The following LRP1B variants were observed in gnomAD, a reference collection of about 807,000 sequenced individuals.
LRP1B encodes the protein LDL receptor related protein 1B, also known as low-density lipoprotein receptor-related protein 1B.
LRP1B carries 217 observed loss-of-function variants against 556.6 expected under a neutral mutation model. The ratio of observed to expected loss-of-function variants is 0.39; its 90% CI spans 0.35 to 0.44. The LOEUF (loss-of-function observed/expected upper bound fraction) is 0.44, where lower values mean the gene tolerates loss of function less well. Among genes scored for constraint, LRP1B ranks in the 20% least tolerant of loss-of-function variants. The probability of loss-of-function intolerance (pLI) is 1.00; values close to 1 mark genes in which losing one functional copy is unlikely to be tolerated. For synonymous variants in LRP1B, 2,047 were observed against 1,865.8 expected (o/e 1.10, Z -2.50); for missense variants, 5,053 against 5,620.8 (o/e 0.90, Z 3.23).
intron 23 of LRP1B, among the ~76,000 whole-genome samples, chr2:140,893,815 G>A (rs1331483861): frequency 6.6e-6 from 1 of 152,152 alleles, no homozygotes; most frequent in South Asian, 2.1e-4. Context: ...ATGACTAAAT[G>A]AAGCGACATA....
At chr2:140,819,512 A>C (rs1691244890) in intron 31 of LRP1B, among the ~76,000 whole-genome samples, 2 of 152,170 alleles carry the variant, frequency 1.3e-5, no homozygotes, top group African/African-American at 4.8e-5. Flanking sequence ...TGCAATTGAA[A>C]AATGGGCAAA....
In LRP1B at chr2:141,529,687, A is replaced by T. The variant is rs1684805237; in HGVS notation, c.206-49154T>A. Among the ~76,000 whole-genome samples, 3 of 152,280 alleles carry T rather than the reference A, an allele frequency of 2.0e-5. No individual in the cohort carries two copies. The South Asian group carries it at 6.2e-4, about 32-fold the overall frequency. On this transcript the variant is annotated intron_variant, in intron 2 of 90. Coordinates refer to ENST00000389484, the MANE Select transcript of LRP1B (RefSeq NM_018557.3). ...TTACATTGCAAATGAACCCTGAAAA[A>T]ATACCACTATTAATCATACCAACCT...
intron 3 of LRP1B, among the ~76,000 whole-genome samples, chr2:141,446,912 G>A (rs753080463): frequency 6.6e-6 from 1 of 152,120 alleles, no homozygotes; most frequent in African/African-American, 2.4e-5. Flanking sequence ...TTCTCAAGGA[G>A]TCTCTTTGTG....
intron 72 of LRP1B, among the ~76,000 whole-genome samples, chr2:140,363,794 A>G (rs759656481): frequency 4.0e-5 from 6 of 151,708 alleles, no homozygotes; most frequent in Non-Finnish European, 8.9e-5. Context: ...ATATCTAAAT[A>G]TTGCCTTAAC....
intron 2 of LRP1B, among the ~76,000 whole-genome samples, chr2:141,611,813 C>T (rs776844627): frequency 6.6e-6 from 1 of 152,134 alleles, no homozygotes; most frequent in Non-Finnish European, 1.5e-5. Context: ...AATTAATGAC[C>T]TCGAAATGAA....
At chr2:141,542,888 G>T (rs188129945) in intron 2 of LRP1B, among the ~76,000 whole-genome samples, 1 of 152,044 alleles carries the variant, frequency 6.6e-6, no homozygotes, top group Non-Finnish European at 1.5e-5. Context: ...CATAGAAAAG[G>T]TTAAAAGTTA....
chr2:140,559,207 T>C (rs1000253756), intron 43 of LRP1B, among the ~76,000 whole-genome samples: 1 of 150,680 alleles, frequency 6.6e-6, no homozygotes, highest in African/African-American at 2.4e-5. Flanking sequence ...AAATTAACTG[T>C]TTTTTTTTAA....
In LRP1B at chr2:142,026,110, T is replaced by TA. The variant is rs905016991; in HGVS notation, c.82+104537dup. On this transcript the variant is annotated intron_variant, in intron 1 of 90. Transcript: ENST00000389484. The stretch of plus-strand genomic sequence containing the variant: ...GGAATCAACATTTTAAAATCCTGTC[T>TA]AAAAAAAACCCCATACTTTATTTTT... Among the ~76,000 whole-genome samples, 31 of 151,984 alleles carry TA rather than the reference T, an allele frequency of 2.0e-4. 1 individual carries two copies. Among genetic ancestry groups the TA allele is most frequent in the African/African-American group, 6.7e-4 (28 of 41,494 alleles).
intron 2 of LRP1B, among the ~76,000 whole-genome samples, chr2:141,682,491 T>G (rs1691140647): frequency 6.6e-6 from 1 of 152,164 alleles, no homozygotes; most frequent in Admixed American, 6.6e-5. Context: ...GTAGTTCTAT[T>G]TTGGTTCAGC....
chr2:140,345,402 A>T (rs943673081), intron 77 of LRP1B, among the ~76,000 whole-genome samples: 2 of 151,382 alleles, frequency 1.3e-5, no homozygotes, highest in Admixed American at 6.6e-5. Context: ...CTCCTCTCTC[A>T]GTTTTTGTAC....
In LRP1B at chr2:141,176,348, G is replaced by A. The variant is rs566270487; in HGVS notation, c.1013+12073C>T. Among the ~76,000 whole-genome samples, 11 of 152,168 alleles carry A rather than the reference G, an allele frequency of 7.2e-5. No homozygotes were observed. In the East Asian group the frequency reaches 2.1e-3, roughly 30 times the overall value. On this transcript the variant is annotated intron_variant, in intron 7 of 90. Coordinates refer to ENST00000389484, the MANE Select transcript of LRP1B (RefSeq NM_018557.3). Reference sequence around the variant, plus strand: ...CCACATTGCACAGGAGGGTTCTGGTGAGAGGTGACTGGATCATGAGGGAAG... The same window carrying A: ...CCACATTGCACAGGAGGGTTCTGGTAAGAGGTGACTGGATCATGAGGGAAG...
chr2:141,047,501 CTTTTA>C (rs1698910252), intron 11 of LRP1B, among the ~76,000 whole-genome samples: 1 of 152,040 alleles, frequency 6.6e-6, no homozygotes, highest in African/African-American at 2.4e-5. Context: ...TATCTCTCTG[CTTTTA>C]TTTTCTCATC....
At chr2:141,224,789 G>A (rs561276082) in intron 6 of LRP1B, among the ~76,000 whole-genome samples, 11 of 152,092 alleles carry the variant, frequency 7.2e-5, no homozygotes, top group Non-Finnish European at 1.2e-4. Context: ...GATACAAGGA[G>A]GGGAACAACA....
intron 11 of LRP1B, among the ~76,000 whole-genome samples, 190 bp from the exon 12 acceptor site, chr2:141,020,292 C>T (rs112470451): frequency 8.6e-5 from 13 of 152,010 alleles, no homozygotes; most frequent in African/African-American, 2.7e-4. Context: ...ATTTTGAATG[C>T]CTTTTTATGT....
intron 47 of LRP1B, among the ~76,000 whole-genome samples, chr2:140,527,237 G>GTAT (rs1356170338): frequency 5.3e-5 from 8 of 151,734 alleles, no homozygotes; most frequent in African/African-American, 1.7e-4. Context: ...GCTGTGAATG[G>GTAT]GTACATGACA....
intron 2 of LRP1B, among the ~76,000 whole-genome samples, chr2:141,504,706 T>C (rs1405469596): frequency 6.6e-6 from 1 of 152,110 alleles, no homozygotes; most frequent in Non-Finnish European, 1.5e-5. Context: ...GATTGAGTTC[T>C]TACAATGGAG....
At chr2:141,297,067 A>G (rs544484236) in intron 3 of LRP1B, among the ~76,000 whole-genome samples, 1 of 152,290 alleles carries the variant, frequency 6.6e-6, no homozygotes, top group East Asian at 1.9e-4. Context: ...GTAGTATTTC[A>G]TGGTGAATAT....
chr2:140,588,071 T>C (rs1490293813), intron 43 of LRP1B, among the ~76,000 whole-genome samples: 2 of 151,992 alleles, frequency 1.3e-5, no homozygotes, highest in Non-Finnish European at 2.9e-5. Context: ...TGGCAAAGAA[T>C]GGACAAAAGG....
At chr2:141,906,011 TG>T (rs1699749681) in intron 1 of LRP1B, among the ~76,000 whole-genome samples, 1 of 150,970 alleles carries the variant, frequency 6.6e-6, no homozygotes. Context: ...TGTGTGTGTG[TG>T]TGTGTGTGTG....
Sources: allele counts gnomAD v4.1 joint callset (sites outside exome capture counted in the v4.1 genomes callset), GRCh38; gene constraint gnomAD v4.1.1; transcripts MANE v1.5; gene names NCBI Gene and HGNC (gene_info 2026-07-23, HGNC 2026-07-21).